The following TMEM178B variants were observed in gnomAD, a reference collection of about 807,000 sequenced individuals.
TMEM178B encodes the protein transmembrane protein 178B.
Under a neutral mutation model 31.0 loss-of-function variants are expected in TMEM178B, and 5 were observed. That is an observed-to-expected ratio of 0.16 (90% CI 0.08 to 0.34). The LOEUF (loss-of-function observed/expected upper bound fraction) is 0.34. TMEM178B is among the 10% of genes least tolerant of loss of function. The probability of loss-of-function intolerance (pLI) is 1.00; values close to 1 mark genes in which losing one functional copy is unlikely to be tolerated. For synonymous variants in TMEM178B, 164 were observed against 164.0 expected (o/e 1.00, Z 0.00); for missense variants, 275 against 400.3 (o/e 0.69, Z 2.67).
At chr7:141,336,800 AT>A (rs1799398494) in intron 2 of TMEM178B, among the ~76,000 whole-genome samples, 1 of 149,996 alleles carries the variant, frequency 6.7e-6, no homozygotes, top group Admixed American at 6.7e-5. Flanking sequence ...AACCACCACC[AT>A]CATTTCTAGG....
intron 1 of TMEM178B, among the ~76,000 whole-genome samples, chr7:141,176,411 G>A (rs1440983640): frequency 6.6e-6 from 1 of 152,106 alleles, no homozygotes; most frequent in Non-Finnish European, 1.5e-5. Context: ...CTATTGGCCT[G>A]AAATTTTCTT....
intron 1 of TMEM178B, among the ~76,000 whole-genome samples, chr7:141,141,092 A>G (rs1217191379): frequency 6.6e-6 from 1 of 152,106 alleles, no homozygotes; most frequent in Non-Finnish European, 1.5e-5. Flanking sequence ...CTGCATAACA[A>G]ATTTATTTCT....
intron 2 of TMEM178B, among the ~76,000 whole-genome samples, chr7:141,405,273 G>A (rs775214648): frequency 2.0e-4 from 31 of 152,360 alleles, no homozygotes; most frequent in Non-Finnish European, 3.8e-4. Context: ...CATGCCCAAA[G>A]ACAGCCAGCC....
intron 2 of TMEM178B, among the ~76,000 whole-genome samples, chr7:141,219,051 G>T (rs1254777738): frequency 1.3e-5 from 2 of 152,210 alleles, no homozygotes; most frequent in Non-Finnish European, 2.9e-5. Flanking sequence ...GAAACTAACA[G>T]TAATAACAAC....
At chr7:141,196,534 G>A (rs991869995) in intron 1 of TMEM178B, among the ~76,000 whole-genome samples, 4 of 152,166 alleles carry the variant, frequency 2.6e-5, no homozygotes, top group African/African-American at 7.2e-5. Flanking sequence ...GTGGAGCAGC[G>A]TTTCTGAAAG....
At chr7:141,335,708 A>C (rs1191327887) in intron 2 of TMEM178B, among the ~76,000 whole-genome samples, 1 of 152,096 alleles carries the variant, frequency 6.6e-6, no homozygotes, top group Non-Finnish European at 1.5e-5. Context: ...GGCATCACAG[A>C]TGTGTTCATA....
At chr7:141,192,646 A>C (rs1796716647) in intron 1 of TMEM178B, among the ~76,000 whole-genome samples, 1 of 152,170 alleles carries the variant, frequency 6.6e-6, no homozygotes, top group Non-Finnish European at 1.5e-5. Context: ...TTGTATTTGT[A>C]GTAGAGATGG....
chr7:141,368,732 A>G (rs1268722024), intron 2 of TMEM178B, among the ~76,000 whole-genome samples: 2 of 152,238 alleles, frequency 1.3e-5, no homozygotes, highest in Admixed American at 6.5e-5. Context: ...AAAGAGGCAT[A>G]TAGGTGAGGC....
chr7:141,505,712 A>G, the TMEM178B span, among the ~76,000 whole-genome samples: 73 of 152,324 alleles, frequency 4.8e-4, no homozygotes, highest in South Asian at 1.2e-3. Flanking sequence ...ACTACTTGCT[A>G]GCTGCTATTT....
At chr7:141,150,941 C>T (rs755752973) in intron 1 of TMEM178B, among the ~76,000 whole-genome samples, 3 of 152,110 alleles carry the variant, frequency 2.0e-5, no homozygotes, top group Non-Finnish European at 4.4e-5. Flanking sequence ...AGGATTTAAT[C>T]TAGATGCATG....
intron 1 of TMEM178B, among the ~76,000 whole-genome samples, chr7:141,115,508 A>G (rs1286690096): frequency 3.9e-5 from 6 of 152,230 alleles, no homozygotes; most frequent in African/African-American, 4.8e-5. Flanking sequence ...CACCAGGCAT[A>G]GGACTCAGAA....
chr7:141,212,862 A>C (rs1011924337), intron 2 of TMEM178B, 158 bp downstream of exon 2: 74 of 578,984 alleles, frequency 1.3e-4, no homozygotes, highest in Non-Finnish European at 2.1e-4. Context: ...GAATTGCCTC[A>C]GTTGGTTTTG....
intron 1 of TMEM178B, among the ~76,000 whole-genome samples, chr7:141,116,132 A>T (rs1293777764): frequency 1.3e-5 from 2 of 152,140 alleles, no homozygotes; most frequent in African/African-American, 4.8e-5. Flanking sequence ...TCTTTGAACC[A>T]CTGAGAAACC....
intron 2 of TMEM178B, among the ~76,000 whole-genome samples, chr7:141,303,544 C>T (rs1444320975): frequency 2.0e-5 from 3 of 152,182 alleles, no homozygotes; most frequent in South Asian, 2.1e-4. Flanking sequence ...ATGAGAGGAG[C>T]GCCATGCTCA....
chr7:141,460,443 A>G (rs1301952087), intron 3 of TMEM178B, among the ~76,000 whole-genome samples: 1 of 152,238 alleles, frequency 6.6e-6, no homozygotes, highest in Middle Eastern at 3.2e-3. Context: ...CAATCTCCAA[A>G]TGTAGTCACA....
At chr7:141,420,195 C>CA (rs369718817) in intron 2 of TMEM178B, among the ~76,000 whole-genome samples, 5 of 152,130 alleles carry the variant, frequency 3.3e-5, no homozygotes, top group African/African-American at 1.2e-4. Context: ...TATCACTGCC[C>CA]CCCCCCACTA....
At chr7:141,215,967 A>C (rs1472223988) in intron 2 of TMEM178B, among the ~76,000 whole-genome samples, 3 of 139,974 alleles carry the variant, frequency 2.1e-5, no homozygotes, top group Non-Finnish European at 4.6e-5. Context: ...AGTAGCTGGG[A>C]TTACAGGCAT....
At chr7:141,405,646 TG>T (rs1400427647) in intron 2 of TMEM178B, among the ~76,000 whole-genome samples, 2 of 152,208 alleles carry the variant, frequency 1.3e-5, no homozygotes, top group Non-Finnish European at 2.9e-5. Flanking sequence ...TCCTGACAAC[TG>T]GACTCCTTCA....
At chr7:141,203,221 C>G (rs567927240) in intron 1 of TMEM178B, among the ~76,000 whole-genome samples, 2 of 152,238 alleles carry the variant, frequency 1.3e-5, no homozygotes, top group African/African-American at 4.8e-5. Flanking sequence ...CTGGTTTTGT[C>G]TTTTTTTGTT....
Sources: gnomAD v4.1 joint callset for allele counts (sites outside exome capture counted in the v4.1 genomes callset) on GRCh38, gnomAD v4.1.1 for gene constraint, MANE v1.5 for transcripts, NCBI Gene and HGNC (gene_info 2026-07-23, HGNC 2026-07-21) for gene names.